The following CHIC1 variants were observed in gnomAD, a reference collection of about 807,000 sequenced individuals.
CHIC1 encodes the protein cysteine rich hydrophobic domain 1.
Under a neutral mutation model 18.5 loss-of-function variants are expected in CHIC1, and 7 were observed. The observed-to-expected ratio is 0.38, with a 90% confidence interval of 0.22 to 0.71. The LOEUF (loss-of-function observed/expected upper bound fraction) is 0.71, where lower values mean the gene tolerates loss of function less well. Ranked by LOEUF, CHIC1 falls within the 30% of genes least tolerant of loss-of-function variation. CHIC1 has a pLI of 0.49. For missense variants in CHIC1, 159 were observed against 176.9 expected (o/e 0.90, Z 0.57); for synonymous variants, 77 against 73.5 (o/e 1.05, Z -0.25).
At chrX:73,600,210 T>C (rs1319335381) in intron 3 of CHIC1, among the ~76,000 whole-genome samples, 7 of 95,642 alleles carry the variant, frequency 7.3e-5, no homozygotes, top group Non-Finnish European at 1.2e-4. Context: ...CTGAAGTTGC[T>C]TATCAGCTTA....
At chrX:73,584,275 G>A (rs747690571) in intron 2 of CHIC1, 142 bp from the exon 3 acceptor site, 9 of 462,056 alleles carry the variant, frequency 1.9e-5, no homozygotes, top group Non-Finnish European at 2.8e-5. Context: ...TCATCCTAGA[G>A]TGCGTGAACA....
At chrX:73,628,702 G>C (rs1157608496) in intron 3 of CHIC1, among the ~76,000 whole-genome samples, 1 of 111,034 alleles carries the variant, frequency 9.0e-6, no homozygotes, top group African/African-American at 3.3e-5. Flanking sequence ...AGTGTTTTTT[G>C]TATCTCTTCA....
intron 3 of CHIC1, among the ~76,000 whole-genome samples, chrX:73,595,898 T>C (rs1358296162): frequency 1.8e-5 from 2 of 111,736 alleles, no homozygotes; most frequent in Non-Finnish European, 3.8e-5. Flanking sequence ...CTCATTGTGG[T>C]TTTGATTTGC....
At chrX:73,600,986 G>T (rs1400191816) in intron 3 of CHIC1, among the ~76,000 whole-genome samples, 2 of 107,848 alleles carry the variant, frequency 1.9e-5, no homozygotes, top group Non-Finnish European at 3.8e-5. Context: ...ATGGGAAAGG[G>T]ATCAATTCAA....
intron 3 of CHIC1, among the ~76,000 whole-genome samples, chrX:73,584,865 G>C (rs1294663790): frequency 9.0e-6 from 1 of 111,071 alleles, no homozygotes; most frequent in Non-Finnish European, 1.9e-5. Context: ...TAAAATACCT[G>C]ATGCTGTGCC....
intron 3 of CHIC1, among the ~76,000 whole-genome samples, chrX:73,588,763 G>A (rs2057565971): frequency 9.1e-6 from 1 of 110,130 alleles, no homozygotes; most frequent in Non-Finnish European, 1.9e-5. Context: ...CTTGTTATAG[G>A]TCTATTCAGA....
chrX:73,684,254 G>T lies in CHIC1; in HGVS notation c.*3249G>T, dbSNP rs1167888856. Reference sequence around the variant, plus strand: ...ATGTAATTTAATTTAGTTCTGGAAGGACAGTTGTCTTTGATTAAAGCCCCA... The same window carrying T: ...ATGTAATTTAATTTAGTTCTGGAAGTACAGTTGTCTTTGATTAAAGCCCCA... On this transcript the variant is annotated 3_prime_UTR_variant, in exon 6 of 6. Transcript: ENST00000373502. The T allele has an allele frequency of 9.0e-6, 1 of 110,513 alleles. No homozygotes were observed. Among genetic ancestry groups the T allele is most frequent in the East Asian group, 2.8e-4 (1 of 3,530 alleles). 9.1% of individuals were successfully genotyped at this position (110,513 alleles called of 1,213,427 possible).
chrX:73,584,320 G>A (rs2057542165), intron 2 of CHIC1, 97 bp from the exon 3 acceptor site: 3 of 769,441 alleles, frequency 3.9e-6, no homozygotes, highest in Non-Finnish European at 5.5e-6. Flanking sequence ...AGATATTTGT[G>A]ATTCCTTAAA....
At chrX:73,594,142 C>CT (rs760396245) in intron 3 of CHIC1, among the ~76,000 whole-genome samples, 6 of 101,537 alleles carry the variant, frequency 5.9e-5, no homozygotes, top group Non-Finnish European at 9.9e-5. Flanking sequence ...AGGTGCTTTC[C>CT]TTTGTTTTGT....
chrX:73,622,751 C>T (rs777990605), intron 3 of CHIC1, among the ~76,000 whole-genome samples: 7 of 111,561 alleles, frequency 6.3e-5, no homozygotes, highest in African/African-American at 2.3e-4. Flanking sequence ...TTTGCTGTTG[C>T]TTTTCTAGTC....
intron 3 of CHIC1, among the ~76,000 whole-genome samples, chrX:73,668,702 G>A (rs2058016024): frequency 2.7e-5 from 3 of 111,710 alleles, no homozygotes; most frequent in African/African-American, 6.5e-5. Context: ...CAGAAAAGAT[G>A]GCAGTCAGCC....
chrX:73,584,905 G>A (rs1376078888), intron 3 of CHIC1, among the ~76,000 whole-genome samples: 1 of 111,502 alleles, frequency 9.0e-6, no homozygotes, highest in East Asian at 2.8e-4. Flanking sequence ...TAGGTATAAA[G>A]GAGAGCTTCT....
chrX:73,653,837 C>T (rs927788057), intron 3 of CHIC1, among the ~76,000 whole-genome samples: 7 of 111,532 alleles, frequency 6.3e-5, no homozygotes, highest in Non-Finnish European at 9.4e-5. Flanking sequence ...TGGGATTTTT[C>T]GAAATTTCTT....
chrX:73,639,001 C>A (rs2057843188), intron 3 of CHIC1, among the ~76,000 whole-genome samples: 1 of 111,688 alleles, frequency 9.0e-6, no homozygotes, highest in Non-Finnish European at 1.9e-5. Flanking sequence ...GTGCATGTAT[C>A]TTTATGGTAG....
chrX:73,582,359 G>A (rs1418909924), intron 2 of CHIC1, among the ~76,000 whole-genome samples: 1 of 109,961 alleles, frequency 9.1e-6, no homozygotes, highest in African/African-American at 3.3e-5. Context: ...ACTTCTATTT[G>A]GTTGCCCAAT....
intron 1 of CHIC1, among the ~76,000 whole-genome samples, chrX:73,569,684 A>G (rs1486836368): frequency 1.8e-5 from 2 of 111,569 alleles, no homozygotes; most frequent in Non-Finnish European, 3.8e-5. Flanking sequence ...AGCCATTTCA[A>G]CATTTTCCTA....
rs1360327715 is a variant in CHIC1, at chrX:73,686,274, ATGTG to A, written c.*5275_*5278del. 1 of 111,178 alleles carries A rather than the reference ATGTG, an allele frequency of 9.0e-6. No individual in the cohort carries two copies. The highest frequency in any genetic ancestry group is 3.3e-5 in the African/African-American group (1 of 30,689). 9.2% of individuals were successfully genotyped at this position (111,178 alleles called of 1,213,427 possible). ...GCTTACCTAGTCTCTAAATAATGAA[ATGTG>A]TGTGTTTGTGTGTTTTGGCTATATT... On this transcript the variant is annotated 3_prime_UTR_variant, in exon 6 of 6. Transcript: ENST00000373502.
At chrX:73,567,446 C>A (rs2057450152) in intron 1 of CHIC1, among the ~76,000 whole-genome samples, 1 of 110,766 alleles carries the variant, frequency 9.0e-6, no homozygotes, top group South Asian at 3.8e-4. Flanking sequence ...ACTCACACTT[C>A]CCACTGCTAA....
chrX:73,647,719 G>A (rs937259809), intron 3 of CHIC1, among the ~76,000 whole-genome samples: 4 of 112,149 alleles, frequency 3.6e-5, no homozygotes, highest in African/African-American at 1.3e-4. Context: ...GATCTCCCTG[G>A]GCCTGAGCCC....
Sources: gnomAD v4.1 joint callset for allele counts (sites outside exome capture counted in the v4.1 genomes callset) on GRCh38, gnomAD v4.1.1 for gene constraint, MANE v1.5 for transcripts, NCBI Gene and HGNC (gene_info 2026-07-23, HGNC 2026-07-21) for gene names.